Variants in BANK1 observed in about 807,000 individuals in gnomAD.
BANK1 encodes the protein B-cell scaffold protein with ankyrin repeats.
A neutral mutation model predicts 94.5 loss-of-function variants in BANK1; 95 were observed. That is an observed-to-expected ratio of 1.00 (90% confidence interval 0.85 to 1.19). BANK1 has a LOEUF of 1.19. Among genes scored for constraint, BANK1 ranks in the 50% most tolerant of loss-of-function variants. The pLI is 0.00. For synonymous variants in BANK1, 334 were observed against 308.4 expected, an observed-to-expected ratio of 1.08 and a Z score of -0.87; for missense variants, 987 against 932.2, an observed-to-expected ratio of 1.06 and a Z score of -0.77.
intron 1 of BANK1, among the ~76,000 whole-genome samples, chr4:101,797,376 C>G (rs1346636864): frequency 6.6e-6 from 1 of 151,930 alleles, no homozygotes; most frequent in African/African-American, 2.4e-5. Flanking sequence ...AAAAAATTCC[C>G]CAAGTATAAT....
intron 2 of BANK1, among the ~76,000 whole-genome samples, chr4:101,852,247 T>C (rs1238245771): frequency 6.6e-6 from 1 of 151,796 alleles, no homozygotes; most frequent in African/African-American, 2.4e-5. Context: ...GGAAAATAGA[T>C]ACATGTTCTC....
At chr4:102,020,015 G>T (rs920692030) in intron 7 of BANK1, among the ~76,000 whole-genome samples, 2 of 152,000 alleles carry the variant, frequency 1.3e-5, no homozygotes, top group Non-Finnish European at 2.9e-5. Context: ...ATTCCATTAG[G>T]TTTCAGCCTC....
intron 2 of BANK1, among the ~76,000 whole-genome samples, chr4:101,840,789 G>T (rs991400666): frequency 6.6e-6 from 1 of 152,130 alleles, no homozygotes; most frequent in African/African-American, 2.4e-5. Flanking sequence ...GTATTTCTGT[G>T]TGTGTGTCTT....
intron 7 of BANK1, among the ~76,000 whole-genome samples, chr4:101,960,234 G>A (rs532177841): frequency 6.6e-6 from 1 of 152,122 alleles, no homozygotes; most frequent in African/African-American, 2.4e-5. Context: ...ATATTCACTT[G>A]TAAGGAAAAT....
At chr4:101,954,122 A>G (rs1028084678) in intron 7 of BANK1, among the ~76,000 whole-genome samples, 2 of 151,974 alleles carry the variant, frequency 1.3e-5, no homozygotes, top group African/African-American at 2.4e-5. Context: ...GGTCTTCACA[A>G]TATGTTTTCC....
intron 7 of BANK1, chr4:101,982,049 C>T (rs1446645505): frequency 6.6e-6 from 1 of 152,162 alleles, no homozygotes; most frequent in African/African-American, 2.4e-5. Context: ...GGATGGGCCC[C>T]TTGCCATGAG....
intron 1 of BANK1, among the ~76,000 whole-genome samples, chr4:101,821,239 T>C (rs1726134178): frequency 6.6e-6 from 1 of 152,206 alleles, no homozygotes; most frequent in Non-Finnish European, 1.5e-5. Context: ...GTTGGCCACA[T>C]GTATGTCTTC....
chr4:101,861,476 T>C (rs1727874398), intron 3 of BANK1, among the ~76,000 whole-genome samples: 1 of 152,146 alleles, frequency 6.6e-6, no homozygotes, highest in Non-Finnish European at 1.5e-5. Flanking sequence ...TTTTGAAGGG[T>C]GATATCTAAG....
intron 7 of BANK1, among the ~76,000 whole-genome samples, chr4:102,019,241 A>T (rs944139172): frequency 6.6e-6 from 1 of 152,112 alleles, no homozygotes; most frequent in Non-Finnish European, 1.5e-5. Flanking sequence ...TCTATTTTCA[A>T]TTTACTTTCC....
intron 7 of BANK1, among the ~76,000 whole-genome samples, chr4:101,956,804 C>T (rs2631247): frequency 0.34 from 50,842 of 151,728 alleles, 9,629 homozygotes; most frequent in Non-Finnish European, 0.43. Context: ...GTTTTTTCTC[C>T]TCTTAGGCAT....
intron 7 of BANK1, among the ~76,000 whole-genome samples, chr4:101,986,857 A>ATATATATGTGTATATATATGTG (rs1560668268): frequency 4.1e-5 from 2 of 48,860 alleles, no homozygotes; most frequent in Admixed American, 2.1e-4. Context: ...ATATATATGT[A>ATATATATGTGTATATATATGTG]TATATATATG....
At chr4:102,061,718 G>C (rs1324163325) in intron 12 of BANK1, 2 of 150,326 alleles carry the variant, frequency 1.3e-5, no homozygotes, top group Admixed American at 1.3e-4. Flanking sequence ...TCAAACCCTG[G>C]TTGTTTCTAT....
chr4:102,059,241 G>A (rs1302036307), intron 11 of BANK1, among the ~76,000 whole-genome samples: 1 of 152,158 alleles, frequency 6.6e-6, no homozygotes. Flanking sequence ...TAGCTCACTG[G>A]TATACAGTTA....
chr4:101,935,115 A>T (rs531609594), intron 7 of BANK1, among the ~76,000 whole-genome samples: 12 of 151,498 alleles, frequency 7.9e-5, no homozygotes, highest in African/African-American at 2.9e-4. Context: ...ACCCCAACCC[A>T]TCCCCAGAAT....
intron 1 of BANK1, among the ~76,000 whole-genome samples, chr4:101,802,495 G>A (rs1250099725): frequency 2.0e-5 from 3 of 152,106 alleles, no homozygotes; most frequent in Non-Finnish European, 2.9e-5. Context: ...GAAAGAAAAC[G>A]GGCTGCTTTT....
At chr4:101,860,751 G>A (rs1409271069) in intron 3 of BANK1, among the ~76,000 whole-genome samples, 1 of 152,146 alleles carries the variant, frequency 6.6e-6, no homozygotes, top group Admixed American at 6.5e-5. Context: ...AATCTCCTGT[G>A]TCAGAAGCAG....
intron 2 of BANK1, among the ~76,000 whole-genome samples, chr4:101,832,079 C>T (rs956974772): frequency 6.6e-6 from 1 of 152,226 alleles, no homozygotes; most frequent in Non-Finnish European, 1.5e-5. Context: ...AGCAATGTTT[C>T]TGAATTGCTG....
rs1386557084 is a variant in BANK1, at chr4:101,895,410, T to G, written c.1009T>G (p.Tyr337Asp). Residue 337 changes from tyrosine (Y) to aspartate (D), a missense_variant and splice_region_variant, in exon 6 of 17, where the codon TAT becomes GAT. By Grantham distance (160) the Tyr-to-Asp change is radical. Coordinates refer to ENST00000322953, the MANE Select transcript of BANK1 (RefSeq NM_017935.5). ...LQTEICSQNK[Y>D]THFKELPTLL... ...AACTGAAATTTGTTCTCAAAACAAA[T>G]GTGAGTATTTTCCAGCTGCATCAAT... 1.7e-5 allele frequency: 25 copies of G among 1,508,232 alleles called. No individual in the cohort carries two copies. Among genetic ancestry groups the G allele is most frequent in the Non-Finnish European group, 2.2e-5 (24 of 1,092,930 alleles). 93.4% of individuals were successfully genotyped at this position (1,508,232 alleles called of 1,614,324 possible).
chr4:101,810,047 G>A (rs931575654), intron 1 of BANK1, among the ~76,000 whole-genome samples: 1 of 152,172 alleles, frequency 6.6e-6, no homozygotes, highest in Non-Finnish European at 1.5e-5. Flanking sequence ...GAGTGAAAAG[G>A]GAGGCAGAAG....
Sources: allele counts gnomAD v4.1 joint callset (sites outside exome capture counted in the v4.1 genomes callset), GRCh38; gene constraint gnomAD v4.1.1; transcripts MANE v1.5; gene names NCBI Gene and HGNC (gene_info 2026-07-23, HGNC 2026-07-21).